The following F8 variants were observed in gnomAD, a reference collection of about 807,000 sequenced individuals.
F8 encodes the protein coagulation factor VIII, also known as antihemophilic factor.
F8 carries 12 observed loss-of-function variants against 140.6 expected under a neutral mutation model. That is an observed-to-expected ratio of 0.09 (90% CI 0.05 to 0.14). The LOEUF (loss-of-function observed/expected upper bound fraction) is 0.14. Among genes scored for constraint, F8 ranks in the 10% least tolerant of loss-of-function variants. The pLI, the probability that F8 is intolerant of heterozygous loss-of-function variation, is 1.00. For synonymous variants in F8, 585 were observed against 614.6 expected (o/e 0.95, Z 0.71); for missense variants, 1,354 against 1,720.7 (o/e 0.79, Z 3.77).
At chrX:154,987,588 A>G (rs782218620) in intron 4 of F8, among the ~76,000 whole-genome samples, 1 of 113,107 alleles carries the variant, frequency 8.8e-6, no homozygotes, top group Admixed American at 9.3e-5. Context: ...CTTACAAAAT[A>G]CAAGCCCTCA....
chrX:154,993,942 A>G, intron 3 of F8, among the ~76,000 whole-genome samples: 1 of 112,464 alleles, frequency 8.9e-6, no homozygotes, highest in African/African-American at 3.2e-5. Context: ...ATTCACAAAT[A>G]TTTATTGAGT....
Position 154,961,240 on chromosome X carries a change from TC to T in F8, c.1444-73del, listed in dbSNP as rs2073394374. 6 of 672,353 alleles carry T rather than the reference TC, an allele frequency of 8.9e-6. No individual in the cohort carries two copies. The East Asian group carries it at 1.7e-4, about 19-fold the overall frequency. 55.4% of individuals were successfully genotyped at this position (672,353 alleles called of 1,213,427 possible). ...ATCAACAAGAAAACTGTGGTCTAAC[TC>T]CAGATAAATAAAAGTGGCCTCTATC... On this transcript the variant is annotated intron_variant, in intron 9 of 25. Transcript: ENST00000360256.
chrX:154,960,615 A>G (rs913144970), intron 10 of F8, among the ~76,000 whole-genome samples: 5 of 109,671 alleles, frequency 4.6e-5, no homozygotes, highest in Non-Finnish European at 3.8e-5. Context: ...GAGAGAGAGC[A>G]AGGAAGAGCA....
intron 22 of F8, among the ~76,000 whole-genome samples, chrX:154,864,819 A>G (rs1557273068): frequency 9.0e-6 from 1 of 111,469 alleles, no homozygotes; most frequent in Non-Finnish European, 1.9e-5. Context: ...GAACAATGAG[A>G]AAGAGTGAAG....
chrX:155,018,777 A>G (rs1289086839), intron 1 of F8, among the ~76,000 whole-genome samples: 2 of 112,171 alleles, frequency 1.8e-5, no homozygotes, highest in African/African-American at 6.5e-5. Context: ...ATTATCATAG[A>G]AGAGCCTGGA....
chrX:154,978,072 A>C (rs1400661095), intron 6 of F8, among the ~76,000 whole-genome samples: 1 of 109,493 alleles, frequency 9.1e-6, no homozygotes, highest in Non-Finnish European at 1.9e-5. Context: ...TTTGTATTTC[A>C]TTCAATGAAT....
intron 13 of F8, among the ~76,000 whole-genome samples, chrX:154,947,224 GAAAAAAAAAAAA>G (rs781928603): frequency 1.7e-4 from 3 of 17,855 alleles, no homozygotes; most frequent in African/African-American, 6.8e-4. Context: ...GACTCCGTCT[GAAAAAAAAAAAA>G]AAAAAAAAAA....
intron 8 of F8, 97 bp downstream of exon 8, chrX:154,966,329 A>T (rs1279394239): frequency 9.3e-7 from 1 of 1,080,451 alleles, no homozygotes; most frequent in African/African-American, 1.8e-5. Context: ...CCTGTACCTA[A>T]CCTTAAACAT....
At chrX:154,954,127 G>C in intron 11 of F8, 85 bp from the exon 12 acceptor site, 1 of 935,612 alleles carries the variant, frequency 1.1e-6, no homozygotes, top group South Asian at 2.0e-5. Context: ...GAAAGCGATG[G>C]CATGCATGTG....
rs2073026307 is a variant in F8, at chrX:154,904,350, G to C, written c.5761C>G (p.Pro1921Ala). 3.3e-6 allele frequency: 4 copies of C among 1,211,499 alleles called. No individual in the cohort carries two copies. In the East Asian group the frequency reaches 1.2e-4, roughly 36 times the overall value. ...TENMERNCRA[P>A]CNIQMEDPTF... is the part of the protein sequence containing the mutation. ...GGATCTTCCATCTGGATATTGCAGG[G>C]AGCCCTGCAGTTTCTTTCCATATTT... The change falls in exon 17 of 26, where the codon CCC becomes GCC. Residue 1921 changes from proline (P) to alanine (A), a missense_variant. Pro to Ala is a conservative substitution (Grantham distance 27). This residue lies in a region of F8 where 316 missense variants were observed against 485.4 expected (regional missense o/e 0.65). Transcript: ENST00000360256.
chrX:154,901,521 A>G lies in F8; in HGVS notation c.6116-79T>C, dbSNP rs781883755. ...TCAAATGTAAGTCAATGAAAATGGG[A>G]GAACGTCAACAAATGCTATTTTTTA... On this transcript the variant is annotated intron_variant, in intron 19 of 25. Transcript: ENST00000360256. 2.7e-5 allele frequency: 18 copies of G among 667,005 alleles called. No homozygotes were observed. The African/African-American group carries it at 3.8e-4, about 14-fold the overall frequency. 55.0% of individuals were successfully genotyped at this position (667,005 alleles called of 1,213,427 possible).
intron 13 of F8, among the ~76,000 whole-genome samples, chrX:154,944,639 A>T: frequency 9.0e-6 from 1 of 111,150 alleles, no homozygotes; most frequent in South Asian, 3.8e-4. Context: ...AGAACTAGAA[A>T]TACCATTTGA....
At chrX:154,966,771 A>G in intron 7 of F8, 84 bp from the exon 8 acceptor site, 1 of 1,085,528 alleles carries the variant, frequency 9.2e-7, no homozygotes, top group Non-Finnish European at 1.3e-6. Context: ...TTTATAAAGA[A>G]AAGAGATTGA....
chrX:154,997,323 TATTCTAGGAACTGTCTTATGCACTGGA>T (rs2073623012), intron 2 of F8, among the ~76,000 whole-genome samples: 1 of 112,670 alleles, frequency 8.9e-6, no homozygotes, highest in African/African-American at 3.2e-5. Flanking sequence ...GTTCCTACTA[TATTCTAGGAACTGTCTTATGCACTGGA>T]GGTGCAGTAG....
intron 14 of F8, among the ~76,000 whole-genome samples, chrX:154,908,674 A>C (rs1557276509): frequency 9.0e-6 from 1 of 111,536 alleles, no homozygotes; most frequent in Non-Finnish European, 1.9e-5. Context: ...TTTTAGCTAG[A>C]CTTATTTCTA....
intron 21 of F8, among the ~76,000 whole-genome samples, chrX:154,896,546 A>AAC (rs1242990767): frequency 5.5e-5 from 6 of 108,329 alleles, no homozygotes; most frequent in Non-Finnish European, 1.2e-4. Flanking sequence ...CATACACACA[A>AAC]ACACACACAC....
At chrX:154,865,095 G>A (rs1011894627) in intron 22 of F8, among the ~76,000 whole-genome samples, 1 of 111,400 alleles carries the variant, frequency 9.0e-6, no homozygotes, top group Non-Finnish European at 1.9e-5. Flanking sequence ...TAAGAAGAAA[G>A]TGAATTGTCA....
chrX:155,001,312 CTTTTTTTTTTTT>C (rs35281198), intron 1 of F8, among the ~76,000 whole-genome samples: 1 of 75,957 alleles, frequency 1.3e-5, no homozygotes, highest in African/African-American at 5.1e-5. Flanking sequence ...TATCGTAAAT[CTTTTTTTTTTTT>C]TTTTTTTTTT....
At chrX:154,892,106 G>A (rs1253288365) in intron 22 of F8, among the ~76,000 whole-genome samples, 2 of 111,263 alleles carry the variant, frequency 1.8e-5, no homozygotes, top group African/African-American at 3.3e-5. Flanking sequence ...CCTTCCCACC[G>A]GTACTCTTAC....
Sources: gnomAD v4.1 joint callset for allele counts (sites outside exome capture counted in the v4.1 genomes callset) on GRCh38, gnomAD v4.1.1 for gene constraint, gnomAD v4.1.1 regional missense constraint, MANE v1.5 for transcripts, NCBI Gene and HGNC (gene_info 2026-07-23, HGNC 2026-07-21) for gene names.